NELL1: variants seen among roughly 807,000 people sequenced by gnomAD.
NELL1 encodes the protein protein kinase C-binding protein NELL1.
A neutral mutation model predicts 107.4 loss-of-function variants in NELL1; 76 were observed. The ratio of observed to expected loss-of-function variants is 0.71; its 90% CI spans 0.59 to 0.86. NELL1 has a LOEUF of 0.86. Among genes scored for constraint, NELL1 ranks in the 40% least tolerant of loss-of-function variants. The pLI is 0.00. For missense variants in NELL1, 1,024 were observed against 1,005.5 expected (o/e 1.02, Z -0.25); for synonymous variants, 353 against 341.2 (o/e 1.03, Z -0.38).
intron 15 of NELL1, among the ~76,000 whole-genome samples, chr11:21,479,247 T>C (rs1259737375): frequency 6.6e-6 from 1 of 152,190 alleles, no homozygotes; most frequent in African/African-American, 2.4e-5. Flanking sequence ...CCTATGTTTA[T>C]TGTACACTAT....
At chr11:21,090,648 G>A (rs372712182) in intron 12 of NELL1, among the ~76,000 whole-genome samples, 18 of 152,104 alleles carry the variant, frequency 1.2e-4, no homozygotes, top group African/African-American at 4.3e-4. Context: ...TTAAACTTTG[G>A]CTACCTCGAC....
chr11:21,059,120 A>C (rs1415552001), intron 12 of NELL1, among the ~76,000 whole-genome samples: 1 of 152,114 alleles, frequency 6.6e-6, no homozygotes, highest in Non-Finnish European at 1.5e-5. Flanking sequence ...AGGGCTCAGC[A>C]CAAATGGTAC....
chr11:21,255,088 C>T (rs1858735948), intron 14 of NELL1, among the ~76,000 whole-genome samples: 1 of 152,066 alleles, frequency 6.6e-6, no homozygotes, highest in African/African-American at 2.4e-5. Flanking sequence ...CATGCCCTGT[C>T]CTGAGGCCTT....
chr11:21,403,851 T>G (rs1220100734), intron 15 of NELL1, among the ~76,000 whole-genome samples: 1 of 151,788 alleles, frequency 6.6e-6, no homozygotes, highest in Non-Finnish European at 1.5e-5. Context: ...GAGTCCTGTC[T>G]CCTGAAGCAC....
chr11:21,237,028 C>T (rs1858225734), intron 14 of NELL1, among the ~76,000 whole-genome samples: 1 of 152,150 alleles, frequency 6.6e-6, no homozygotes, highest in Admixed American at 6.5e-5. Context: ...GATATATTGG[C>T]CAAATATTTT....
At chr11:20,976,689 T>G (rs1334170676) in intron 12 of NELL1, among the ~76,000 whole-genome samples, 1 of 152,204 alleles carries the variant, frequency 6.6e-6, no homozygotes, top group Non-Finnish European at 1.5e-5. Flanking sequence ...AATTCACACA[T>G]GAAACTTAAT....
intron 15 of NELL1, among the ~76,000 whole-genome samples, chr11:21,427,215 C>T (rs912157302): frequency 6.6e-6 from 1 of 152,178 alleles, no homozygotes; most frequent in African/African-American, 2.4e-5. Flanking sequence ...TTCTGCATTT[C>T]TCCACCTTCC....
At position 21,328,820 on chromosome 11, in the gene NELL1, T is replaced by C. The variant is rs187718295; in HGVS notation, c.1550-42033T>C. Among the ~76,000 whole-genome samples, 80 of 152,274 alleles carry C rather than the reference T, an allele frequency of 5.3e-4. 1 individual carries two copies. Among genetic ancestry groups the C allele is most frequent in the Admixed American group, 1.1e-3 (17 of 15,288 alleles). ...ACTTTAAGGTTTAATGACTGCCCTA[T>C]TGGATTTCAAACTTGCATGAGGCCT... On this transcript the variant is annotated intron_variant, in intron 14 of 19. Coordinates refer to ENST00000357134, the MANE Select transcript of NELL1 (RefSeq NM_006157.5).
At chr11:21,342,635 C>T (rs1850596434) in intron 14 of NELL1, among the ~76,000 whole-genome samples, 1 of 119,336 alleles carries the variant, frequency 8.4e-6, no homozygotes, top group Admixed American at 1.0e-4. Context: ...CAGAGAGAGA[C>T]TGTCTTTAAA....
intron 5 of NELL1, among the ~76,000 whole-genome samples, chr11:20,902,280 T>C (rs961832218): frequency 2.0e-5 from 3 of 152,130 alleles, no homozygotes; most frequent in Non-Finnish European, 4.4e-5. Context: ...GAAACCTTTT[T>C]TTTTTAACTC....
Position 20,776,312 on chromosome 11 carries a change from G to A in NELL1, c.185-7368G>A, listed in dbSNP as rs760275844. ...AAATTAGCCAGGTGTGGTGATGGGC[G>A]CCTGTAGTCCCAGCTACTTGGGAGG... On this transcript the variant is annotated intron_variant, in intron 2 of 19. Coordinates refer to ENST00000357134, the MANE Select transcript of NELL1 (RefSeq NM_006157.5). Among the ~76,000 whole-genome samples, 91 of 152,122 alleles carry A rather than the reference G, an allele frequency of 6.0e-4. 1 individual carries two copies. Among genetic ancestry groups the A allele is most frequent in the Non-Finnish European group, 4.6e-4 (31 of 67,984 alleles).
intron 4 of NELL1, among the ~76,000 whole-genome samples, chr11:20,849,831 C>T (rs1475967389): frequency 6.6e-6 from 1 of 152,090 alleles, no homozygotes; most frequent in African/African-American, 2.4e-5. Context: ...TCTGACTATA[C>T]CTAAGAATTA....
chr11:20,690,694 C>T (rs1420498358), intron 2 of NELL1, among the ~76,000 whole-genome samples: 9 of 151,650 alleles, frequency 5.9e-5, no homozygotes, highest in East Asian at 1.9e-4. Context: ...AGCCTTGTAG[C>T]ATAGTTTGAA....
chr11:21,376,885 T>A (rs1391821112), intron 15 of NELL1, among the ~76,000 whole-genome samples: 1 of 152,156 alleles, frequency 6.6e-6, no homozygotes, highest in Non-Finnish European at 1.5e-5. Context: ...CTAATTTTTA[T>A]ACATTGATTT....
At chr11:20,694,992 T>C (rs1415387284) in intron 2 of NELL1, among the ~76,000 whole-genome samples, 1 of 152,118 alleles carries the variant, frequency 6.6e-6, no homozygotes, top group East Asian at 1.9e-4. Context: ...TAGTTCTCCT[T>C]GTAGAGAGCT....
At chr11:21,120,767 G>A (rs1282098979) in intron 13 of NELL1, among the ~76,000 whole-genome samples, 1 of 152,146 alleles carries the variant, frequency 6.6e-6, no homozygotes, top group Non-Finnish European at 1.5e-5. Context: ...AACAAGAAAA[G>A]TCAAAATAAA....
At chr11:21,328,571 G>T (rs1263736002) in intron 14 of NELL1, among the ~76,000 whole-genome samples, 1 of 152,134 alleles carries the variant, frequency 6.6e-6, no homozygotes, top group Admixed American at 6.6e-5. Context: ...GCTGTGAGAA[G>T]AGGGCCACCG....
intron 14 of NELL1, among the ~76,000 whole-genome samples, chr11:21,321,487 G>A (rs1456932124): frequency 6.6e-6 from 1 of 152,060 alleles, no homozygotes; most frequent in Non-Finnish European, 1.5e-5. Flanking sequence ...TCATATAAAT[G>A]TTATCTTAAA....
At chr11:21,153,572 C>T (rs2133790008) in intron 13 of NELL1, among the ~76,000 whole-genome samples, 1 of 152,184 alleles carries the variant, frequency 6.6e-6, no homozygotes, top group South Asian at 2.1e-4. Context: ...GGAAATGGAA[C>T]TAAGGGAAAG....
Sources: allele counts gnomAD v4.1 joint callset (sites outside exome capture counted in the v4.1 genomes callset), GRCh38; gene constraint gnomAD v4.1.1; transcripts MANE v1.5; gene names NCBI Gene and HGNC (gene_info 2026-07-23, HGNC 2026-07-21).